CCDC192: variants seen among roughly 807,000 people sequenced by gnomAD.
The protein encoded by CCDC192 is coiled-coil domain-containing protein 192.
intron 5 of CCDC192, among the ~76,000 whole-genome samples, chr5:127,815,760 C>T (rs750416367): frequency 6.6e-6 from 1 of 151,806 alleles, no homozygotes; most frequent in African/African-American, 2.4e-5. Context: ...CCCAGCTCCT[C>T]AGGAGGCTGA....
At position 127,733,838 on chromosome 5, in the gene CCDC192, G is replaced by C. The variant is rs1407251747; in HGVS notation, c.115-20430G>C. On this transcript the variant is annotated intron_variant, in intron 2 of 6. Transcript: ENST00000514853. ...TCATTTCATTCTCATCCACATTGAAGTTTCTTTTTTTTTTTTTCCAGTTTC... is the reference window on the plus strand; with the variant it reads ...TCATTTCATTCTCATCCACATTGAACTTTCTTTTTTTTTTTTTCCAGTTTC... 3.5e-5 allele frequency among the ~76,000 whole-genome samples: 5 copies of C among 142,378 alleles called. No individual in the cohort carries two copies. In the Admixed American group the frequency reaches 3.6e-4, roughly 10 times the overall value. 93.4% of individuals were successfully genotyped at this position (142,378 alleles called of 152,430 possible).
chr5:127,772,975 G>A (rs1580633299), intron 3 of CCDC192, among the ~76,000 whole-genome samples: 1 of 152,062 alleles, frequency 6.6e-6, no homozygotes, highest in Non-Finnish European at 1.5e-5. Flanking sequence ...TACTGAGGTT[G>A]TCATTTGGGA....
chr5:127,839,267 A>G (rs1750171535), intron 5 of CCDC192, among the ~76,000 whole-genome samples: 1 of 152,230 alleles, frequency 6.6e-6, no homozygotes, highest in South Asian at 2.1e-4. Flanking sequence ...GACCATTCAA[A>G]GTCATGTTAT....
intron 6 of CCDC192, among the ~76,000 whole-genome samples, chr5:127,899,547 T>C (rs970672088): frequency 6.0e-5 from 8 of 134,364 alleles, no homozygotes; most frequent in African/African-American, 2.3e-4. Flanking sequence ...AAGTAAACCA[T>C]CGTCACACTG....
At chr5:127,869,481 T>C (rs114191282) in intron 5 of CCDC192, among the ~76,000 whole-genome samples, 15 of 152,336 alleles carry the variant, frequency 9.8e-5, no homozygotes, top group African/African-American at 3.4e-4. Flanking sequence ...TGCCATATTT[T>C]AGGGCAAAAC....
intron 3 of CCDC192, among the ~76,000 whole-genome samples, chr5:127,765,834 C>T (rs1458045309): frequency 6.6e-6 from 1 of 152,104 alleles, no homozygotes; most frequent in Non-Finnish European, 1.5e-5. Flanking sequence ...ATGAAATGAA[C>T]ATGTTCCTTA....
chr5:127,742,798 A>G (rs1367746667), intron 2 of CCDC192, among the ~76,000 whole-genome samples: 1 of 152,220 alleles, frequency 6.6e-6, no homozygotes, highest in Non-Finnish European at 1.5e-5. Flanking sequence ...GACAGTCTTC[A>G]AAGTGGAATC....
intron 5 of CCDC192, among the ~76,000 whole-genome samples, chr5:127,866,813 A>G (rs1751634533): frequency 6.6e-6 from 1 of 152,150 alleles, no homozygotes; most frequent in Non-Finnish European, 1.5e-5. Context: ...GCCACAAGAA[A>G]GCTGCAGTTT....
intron 2 of CCDC192, among the ~76,000 whole-genome samples, chr5:127,715,929 A>G (rs991936133): frequency 6.6e-6 from 1 of 152,188 alleles, no homozygotes; most frequent in Non-Finnish European, 1.5e-5. Context: ...TTCCAGTACT[A>G]TGTTGAATAA....
intron 6 of CCDC192, among the ~76,000 whole-genome samples, chr5:127,890,152 G>C (rs1417596761): frequency 1.3e-5 from 2 of 152,042 alleles, no homozygotes; most frequent in African/African-American, 4.8e-5. Flanking sequence ...GCTGGAGGAT[G>C]GCTAGAGCCC....
chr5:127,806,633 C>CAT (rs1554076820), intron 5 of CCDC192, among the ~76,000 whole-genome samples: 1 of 57,310 alleles, frequency 1.7e-5, no homozygotes, highest in Non-Finnish European at 3.4e-5. Flanking sequence ...AAATACAGAT[C>CAT]AGTTACAATC....
chr5:127,930,186 A>C (rs1753980745), intron 6 of CCDC192, among the ~76,000 whole-genome samples: 1 of 152,024 alleles, frequency 6.6e-6, no homozygotes, highest in Non-Finnish European at 1.5e-5. Context: ...CCTGGGTGAT[A>C]GAGTGAGACT....
intron 3 of CCDC192, among the ~76,000 whole-genome samples, chr5:127,792,956 C>T (rs911502068): frequency 4.6e-5 from 7 of 151,936 alleles, no homozygotes; most frequent in Non-Finnish European, 1.0e-4. Flanking sequence ...AAACAATCAC[C>T]AAACTTGAAA....
intron 5 of CCDC192, among the ~76,000 whole-genome samples, chr5:127,839,011 A>C (rs547481916): frequency 6.6e-6 from 1 of 152,182 alleles, no homozygotes; most frequent in Non-Finnish European, 1.5e-5. Context: ...TCTTTAGGTA[A>C]ATGGTTTTCA....
At chr5:127,820,555 C>G (rs2127018638) in intron 5 of CCDC192, among the ~76,000 whole-genome samples, 1 of 152,290 alleles carries the variant, frequency 6.6e-6, no homozygotes, top group East Asian at 1.9e-4. Context: ...GCACTCCAGC[C>G]TGGGCGACAG....
chr5:127,821,650 T>C (rs754346546), intron 5 of CCDC192, among the ~76,000 whole-genome samples: 10 of 152,182 alleles, frequency 6.6e-5, no homozygotes, highest in Non-Finnish European at 1.3e-4. Context: ...TCAGAACCTA[T>C]TGTCCCTGGC....
chr5:127,869,618 G>T (rs1339233701), intron 5 of CCDC192, among the ~76,000 whole-genome samples: 1 of 152,042 alleles, frequency 6.6e-6, no homozygotes, highest in African/African-American at 2.4e-5. Flanking sequence ...ACTTATACAG[G>T]CATCCTGGAA....
At chr5:127,779,541 C>T (rs1384093180) in intron 3 of CCDC192, among the ~76,000 whole-genome samples, 14 of 152,110 alleles carry the variant, frequency 9.2e-5, no homozygotes, top group Middle Eastern at 3.4e-3. Context: ...GTGATCCACC[C>T]GCCTCAGCCT....
intron 5 of CCDC192, among the ~76,000 whole-genome samples, chr5:127,861,394 C>G (rs866996461): frequency 6.6e-6 from 1 of 150,800 alleles, no homozygotes; most frequent in African/African-American, 2.4e-5. Flanking sequence ...GTGGCTCATG[C>G]CTGTAATCCC....
Sources: gnomAD v4.1 joint callset for allele counts (sites outside exome capture counted in the v4.1 genomes callset) on GRCh38, gnomAD v4.1.1 for gene constraint, MANE v1.5 for transcripts, NCBI Gene and HGNC (gene_info 2026-07-23, HGNC 2026-07-21) for gene names.